NRXN2: variants seen among roughly 807,000 people sequenced by gnomAD.
NRXN2 encodes neurexin-2-beta.
In NRXN2, 29 loss-of-function variants were observed where a neutral mutation model predicts 128.8. The ratio of observed to expected loss-of-function variants is 0.23; its 90% CI spans 0.17 to 0.31. The LOEUF is 0.31. NRXN2 is among the 10% of genes least tolerant of loss of function. The probability of loss-of-function intolerance (pLI) is 1.00; values close to 1 mark genes in which losing one functional copy is unlikely to be tolerated. For synonymous variants in NRXN2, 1,098 were observed against 1,075.2 expected (o/e 1.02, Z -0.41); for missense variants, 1,881 against 2,452.6 (o/e 0.77, Z 4.92).
In NRXN2 at chr11:64,630,610, A is replaced by T. The variant is rs977773888; in HGVS notation, c.3586-37T>A. 5.0e-6 allele frequency: 8 copies of T among 1,612,394 alleles called. No homozygotes were observed. In the Admixed American group the frequency reaches 5.0e-5, roughly 10 times the overall value. On this transcript the variant is annotated intron_variant, in intron 18 of 22. Coordinates refer to ENST00000265459, the MANE Select transcript of NRXN2 (RefSeq NM_015080.4). This position sits in a 1 kb window ranked among gnomAD's most constrained non-coding sequence, Gnocchi z 4.6. ...GAGGTGGAGGTCAGCGACCAGAGGGAGCAACCATTCATCCCTTCTAGTGGC... is the reference window on the plus strand; with the variant it reads ...GAGGTGGAGGTCAGCGACCAGAGGGTGCAACCATTCATCCCTTCTAGTGGC...
intron 7 of NRXN2, among the ~76,000 whole-genome samples, chr11:64,669,280 T>C (rs949427655): frequency 2.6e-5 from 4 of 152,200 alleles, no homozygotes; most frequent in African/African-American, 7.2e-5. Flanking sequence ...TCTAGCCCTT[T>C]CCTGAGTCTG....
intron 2 of NRXN2, among the ~76,000 whole-genome samples, chr11:64,705,968 A>G (rs556755520): frequency 7.8e-5 from 11 of 141,406 alleles, no homozygotes; most frequent in African/African-American, 2.4e-4. Context: ...CAGGGCCTCA[A>G]TATCTCTTGT....
intron 5 of NRXN2, among the ~76,000 whole-genome samples, chr11:64,687,330 AG>A (rs1405691290): frequency 1.3e-5 from 2 of 151,982 alleles, no homozygotes; most frequent in Non-Finnish European, 2.9e-5. Flanking sequence ...GGAGTTTCGG[AG>A]TGCAGATTCT....
At chr11:64,666,763 C>T (rs903442820) in intron 9 of NRXN2, among the ~76,000 whole-genome samples, 9 of 151,902 alleles carry the variant, frequency 5.9e-5, no homozygotes, top group Admixed American at 2.0e-4. Flanking sequence ...TGGGGTTTCG[C>T]CGTGTTAGCC....
chr11:64,713,082 G>A lies in NRXN2; in HGVS notation c.618C>T (p.Cys206=). Residue 206 remains cysteine, a synonymous_variant, in exon 2 of 23, where the codon TGC becomes TGT. Transcript: ENST00000265459. ...TGGCGCAGGGGTTGCGCGCGGGCGCGCACAGCGGGTCGGCGGTGGCGCCGC... is the reference window on the plus strand; with the variant it reads ...TGGCGCAGGGGTTGCGCGCGGGCGCACACAGCGGGTCGGCGGTGGCGCCGC... ...GLRGATADPL[C]APARNPCANG... The A allele has an allele frequency of 1.5e-6, 2 of 1,302,142 alleles. No homozygotes were observed. The highest frequency in any genetic ancestry group is 4.9e-5 in the South Asian group (2 of 40,584). The allele number at this position is 1,302,142 out of a possible 1,614,324, so 80.7% of individuals were successfully genotyped here.
chr11:64,681,118 A>G (rs1467061373), intron 6 of NRXN2, among the ~76,000 whole-genome samples: 1 of 129,194 alleles, frequency 7.7e-6, no homozygotes, highest in Non-Finnish European at 1.5e-5. Context: ...AAAAAAAGTA[A>G]AAAAAAAAAA....
At chr11:64,686,084 C>G (rs2053009490) in intron 5 of NRXN2, 137 bp from the exon 6 acceptor site, 1 of 849,790 alleles carries the variant, frequency 1.2e-6, no homozygotes, top group Admixed American at 2.0e-5. Context: ...AGCTTTAGGC[C>G]CCTTTCCCTC....
chr11:64,698,320 C>T (rs180702567), intron 2 of NRXN2, among the ~76,000 whole-genome samples: 1 of 152,306 alleles, frequency 6.6e-6, no homozygotes, highest in Admixed American at 6.5e-5. Context: ...TCACACAATT[C>T]ACATATAAAG....
chr11:64,623,199 G>A lies in NRXN2; in HGVS notation c.3848-121C>T, dbSNP rs2042620881. On this transcript the variant is annotated intron_variant, in intron 20 of 22. Coordinates refer to ENST00000265459, the MANE Select transcript of NRXN2 (RefSeq NM_015080.4). This position sits in a 1 kb window ranked among gnomAD's most constrained non-coding sequence, Gnocchi z 4.9. ...AGGAATGGAGGAGAAAGCCAGTAAG[G>A]GAGGAGGGGACGGGGAGAAATGAGG... 1 of 1,417,968 alleles carries A rather than the reference G, an allele frequency of 7.1e-7. No individual in the cohort carries two copies. The highest frequency in any genetic ancestry group is 1.4e-5 in the African/African-American group (1 of 69,714). 87.8% of individuals were successfully genotyped at this position (1,417,968 alleles called of 1,614,324 possible). A position where few individuals can be genotyped will look rare whatever the true frequency, so the allele number is the denominator to read the frequency against.
chr11:64,680,084 A>T (rs564870267), intron 6 of NRXN2, among the ~76,000 whole-genome samples: 1 of 152,358 alleles, frequency 6.6e-6, no homozygotes, highest in African/African-American at 2.4e-5. Context: ...AGAGGGGAGA[A>T]GTCACACATC....
chr11:64,713,705 C>T lies in NRXN2; in HGVS notation c.-6G>A. 9.3e-7 allele frequency: 1 copy of T among 1,079,262 alleles called. No individual in the cohort carries two copies. Among genetic ancestry groups the T allele is most frequent in the Non-Finnish European group, 1.1e-6 (1 of 892,978 alleles). 66.9% of individuals were successfully genotyped at this position (1,079,262 alleles called of 1,614,324 possible). On this transcript the variant is annotated 5_prime_UTR_variant, in exon 2 of 23. Transcript: ENST00000265459. ...CACCGGCTCCCGGACGCCATGCCTA[C>T]GGCGGCCCCGGCCCCGCCCGGCCCC... is the stretch of plus-strand genomic sequence containing the variant.
At chr11:64,665,938 T>A (rs1421313695) in intron 9 of NRXN2, among the ~76,000 whole-genome samples, 1 of 152,146 alleles carries the variant, frequency 6.6e-6, no homozygotes, top group Non-Finnish European at 1.5e-5. Context: ...AGAGAGTGGC[T>A]AGAAGCAACA....
At chr11:64,685,272 G>T (rs556896701) in intron 6 of NRXN2, among the ~76,000 whole-genome samples, 1 of 152,104 alleles carries the variant, frequency 6.6e-6, no homozygotes, top group African/African-American at 2.4e-5. Context: ...GCACCCAGGA[G>T]CACCCATTCA....
At chr11:64,670,675 T>C (rs1486961313) in intron 7 of NRXN2, among the ~76,000 whole-genome samples, 1 of 152,130 alleles carries the variant, frequency 6.6e-6, no homozygotes, top group Non-Finnish European at 1.5e-5. Context: ...AATCTGAACA[T>C]AATCCAGGGG....
intron 2 of NRXN2, 198 bp downstream of exon 2, chr11:64,712,772 C>T (rs1361002769): frequency 1.5e-6 from 1 of 680,522 alleles, no homozygotes; most frequent in African/African-American, 1.8e-5. Context: ...GCCCCGCCCA[C>T]TCGCCCCGCC....
chr11:64,643,997 T>G (rs2046258543), intron 17 of NRXN2, among the ~76,000 whole-genome samples: 1 of 151,798 alleles, frequency 6.6e-6, no homozygotes, highest in African/African-American at 2.4e-5. Flanking sequence ...GGCTTGGGTA[T>G]GGAAACATCC....
At chr11:64,692,073 A>G (rs1426724257) in intron 4 of NRXN2, among the ~76,000 whole-genome samples, 2 of 152,232 alleles carry the variant, frequency 1.3e-5, no homozygotes, top group African/African-American at 4.8e-5. Flanking sequence ...TTTGCTTAAC[A>G]CCAGGGCTCT....
chr11:64,646,019 A>T (rs2046601896), intron 17 of NRXN2, among the ~76,000 whole-genome samples: 1 of 152,152 alleles, frequency 6.6e-6, no homozygotes, highest in Non-Finnish European at 1.5e-5. Context: ...GAAAAACCAG[A>T]GACAAGCTAG....
intron 3 of NRXN2, among the ~76,000 whole-genome samples, chr11:64,696,945 A>G (rs2054629790): frequency 6.6e-6 from 1 of 152,210 alleles, no homozygotes; most frequent in East Asian, 1.9e-4. Flanking sequence ...TGCAAGAGAA[A>G]GATTCAGAGA....
Sources: gnomAD v4.1 joint callset for allele counts (sites outside exome capture counted in the v4.1 genomes callset) on GRCh38, gnomAD v4.1.1 for gene constraint, Gnocchi (gnomAD v3.1) non-coding constraint, MANE v1.5 for transcripts, NCBI Gene and HGNC (gene_info 2026-07-23, HGNC 2026-07-21) for gene names.